The following THSD4 variants were observed in gnomAD, a reference collection of about 807,000 sequenced individuals.
THSD4 encodes thrombospondin type 1 domain containing 4.
THSD4 carries 69 observed loss-of-function variants against 119.0 expected under a neutral mutation model. The ratio of observed to expected loss-of-function variants is 0.58; its 90% CI spans 0.48 to 0.71. The LOEUF (loss-of-function observed/expected upper bound fraction) is 0.71. THSD4 is among the 30% of genes least tolerant of loss of function. THSD4 has a pLI of 0.00. For missense variants in THSD4, 1,393 were observed against 1,391.1 expected, an observed-to-expected ratio of 1.00 and a Z score of -0.02; for synonymous variants, 524 against 540.4, an observed-to-expected ratio of 0.97 and a Z score of 0.42.
chr15:71,774,706 AC>A (rs1359788028), intron 17 of THSD4, among the ~76,000 whole-genome samples: 1 of 151,728 alleles, frequency 6.6e-6, no homozygotes, highest in Non-Finnish European at 1.5e-5. Context: ...GAGCCCAGGA[AC>A]CCGAACTGTG....
At chr15:71,653,222 G>A (rs925928006) in intron 7 of THSD4, among the ~76,000 whole-genome samples, 2 of 152,180 alleles carry the variant, frequency 1.3e-5, no homozygotes, top group Non-Finnish European at 2.9e-5. Flanking sequence ...AACTCGAGAA[G>A]GTTTGATAGC....
intron 6 of THSD4, among the ~76,000 whole-genome samples, chr15:71,363,472 C>T (rs1596368128): frequency 6.6e-6 from 1 of 152,126 alleles, no homozygotes; most frequent in South Asian, 2.1e-4. Context: ...GCAGGGGAGA[C>T]CTGAAAAGGG....
At chr15:71,492,479 G>A (rs1433020051) in intron 7 of THSD4, among the ~76,000 whole-genome samples, 2 of 151,978 alleles carry the variant, frequency 1.3e-5, no homozygotes, top group African/African-American at 4.8e-5. Flanking sequence ...GAGGGGGGGA[G>A]TTTCACCAAG....
At chr15:71,756,853 G>A (rs1326232671) in intron 14 of THSD4, among the ~76,000 whole-genome samples, 2 of 152,240 alleles carry the variant, frequency 1.3e-5, no homozygotes, top group Non-Finnish European at 2.9e-5. Flanking sequence ...TGGCAAGACA[G>A]ATGGAAAATG....
intron 1 of THSD4, among the ~76,000 whole-genome samples, chr15:71,130,114 G>C (rs561260855): frequency 1.3e-5 from 2 of 152,200 alleles, no homozygotes; most frequent in Non-Finnish European, 2.9e-5. Context: ...CTGTGTACCA[G>C]GTAAATGTGA....
At chr15:71,124,614 G>C in intron 1 of THSD4, among the ~76,000 whole-genome samples, 1 of 151,918 alleles carries the variant, frequency 6.6e-6, no homozygotes. Context: ...CAACATAGGC[G>C]GTTCCTTTAA....
At chr15:71,598,629 GT>G (rs905669731) in intron 7 of THSD4, among the ~76,000 whole-genome samples, 2 of 151,954 alleles carry the variant, frequency 1.3e-5, no homozygotes, top group East Asian at 1.9e-4. Flanking sequence ...TGTTTGTTTT[GT>G]TTTTTTGTTT....
At chr15:71,326,670 T>A (rs1361003640) in intron 6 of THSD4, among the ~76,000 whole-genome samples, 2 of 16,948 alleles carry the variant, frequency 1.2e-4, no homozygotes, top group African/African-American at 3.0e-4. Flanking sequence ...CAAGATTCCA[T>A]CTCAAAAAAA....
chr15:71,737,668 T>G, intron 10 of THSD4, 64 bp from the exon 11 acceptor site: 1 of 1,507,502 alleles, frequency 6.6e-7, no homozygotes, highest in Non-Finnish European at 8.9e-7. Context: ...CGAAGCAATT[T>G]CCTCTTTACA....
chr15:71,383,286 C>G (rs1359509857), intron 6 of THSD4, among the ~76,000 whole-genome samples: 1 of 152,166 alleles, frequency 6.6e-6, no homozygotes, highest in African/African-American at 2.4e-5. Flanking sequence ...TGACTTATCC[C>G]CTTTTATCAT....
intron 7 of THSD4, among the ~76,000 whole-genome samples, chr15:71,609,330 A>C (rs1179215198): frequency 6.6e-6 from 1 of 152,184 alleles, no homozygotes; most frequent in African/African-American, 2.4e-5. Flanking sequence ...GGGTCATTTC[A>C]CTAGGAGTAA....
rs1595765343 is a variant in THSD4 at position 71,593,287 on chromosome 15, A to G, written c.1153-67243A>G. On this transcript the variant is annotated intron_variant, in intron 7 of 17. Transcript: ENST00000261862. ...AAAATACAAAAAATTAGCCGGGCGT[A>G]GTGGCGGGCGCCTGTAGTCCCAGCT... Among the ~76,000 whole-genome samples the G allele has an allele frequency of 6.1e-5, 2 of 32,704 alleles. 1 individual carries two copies. The highest frequency in any genetic ancestry group is 1.2e-4 in the African/African-American group (2 of 17,144). The allele number at this position is 32,704 out of a possible 152,430, so 21.5% of individuals were successfully genotyped here.
chr15:71,405,929 A>G (rs918882776), intron 6 of THSD4, among the ~76,000 whole-genome samples: 1 of 151,984 alleles, frequency 6.6e-6, no homozygotes, highest in African/African-American at 2.4e-5. Context: ...TTTCAAATTC[A>G]TTTTCAGAGT....
At chr15:71,410,257 CAA>C (rs781425463) in intron 6 of THSD4, among the ~76,000 whole-genome samples, 6 of 152,226 alleles carry the variant, frequency 3.9e-5, no homozygotes, top group Middle Eastern at 3.4e-3. Context: ...TCCTGGGATA[CAA>C]AAGTGAATAA....
chr15:71,409,985 T>C (rs931577854), intron 6 of THSD4, among the ~76,000 whole-genome samples: 3 of 152,168 alleles, frequency 2.0e-5, no homozygotes, highest in African/African-American at 7.2e-5. Flanking sequence ...TTTTCATTCT[T>C]ATTTTGGAAG....
chr15:71,537,126 C>T (rs1317450314), intron 7 of THSD4, among the ~76,000 whole-genome samples: 2 of 152,156 alleles, frequency 1.3e-5, no homozygotes, highest in African/African-American at 4.8e-5. Flanking sequence ...TGAGCCCTTT[C>T]CCACTATAAA....
intron 1 of THSD4, among the ~76,000 whole-genome samples, chr15:71,105,978 A>G (rs1350570423): frequency 1.3e-5 from 2 of 152,200 alleles, no homozygotes; most frequent in East Asian, 3.8e-4. Flanking sequence ...GGAATAGGAA[A>G]GAGGGTTTGG....
At chr15:71,203,478 A>T (rs577967247) in intron 3 of THSD4, among the ~76,000 whole-genome samples, 1 of 147,922 alleles carries the variant, frequency 6.8e-6, no homozygotes, top group South Asian at 2.2e-4. Context: ...AACATGATGA[A>T]ACCTCGTCTC....
At chr15:71,280,678 C>T (rs1045159914) in intron 6 of THSD4, among the ~76,000 whole-genome samples, 6 of 151,550 alleles carry the variant, frequency 4.0e-5, no homozygotes, top group Admixed American at 3.3e-4. Flanking sequence ...GTGTGTCTTC[C>T]TTTCTCACTC....
Sources: gnomAD v4.1 joint callset for allele counts (sites outside exome capture counted in the v4.1 genomes callset) on GRCh38, gnomAD v4.1.1 for gene constraint, MANE v1.5 for transcripts, NCBI Gene and HGNC (gene_info 2026-07-23, HGNC 2026-07-21) for gene names.